Variants in ZMYM2 observed in about 807,000 individuals in gnomAD.
The protein encoded by ZMYM2 is zinc finger MYM-type containing 2, also known as zinc finger MYM-type protein 2.
In ZMYM2, 56 loss-of-function variants were observed where a neutral mutation model predicts 162.8. That is an observed-to-expected ratio of 0.34 (90% CI 0.28 to 0.43). The LOEUF is 0.43. Among genes scored for constraint, ZMYM2 ranks in the 20% least tolerant of loss-of-function variants. ZMYM2 has a pLI of 1.00. For synonymous variants in ZMYM2, 510 were observed against 541.6 expected (o/e 0.94, Z 0.81); for missense variants, 1,275 against 1,621.8 (o/e 0.79, Z 3.67).
chr13:19,904,662 A>G, the ZMYM2 span, among the ~76,000 whole-genome samples: 1 of 152,354 alleles, frequency 6.6e-6, no homozygotes, highest in African/African-American at 2.4e-5. Flanking sequence ...TCAACTAATC[A>G]TATATGAGCA....
At chr13:19,890,871 CAA>C in the ZMYM2 span, among the ~76,000 whole-genome samples, 4 of 128,758 alleles carry the variant, frequency 3.1e-5, no homozygotes, top group Admixed American at 7.9e-5. Context: ...GACTCCATTT[CAA>C]AAAAAAAAAA....
chr13:20,077,574 TGA>T (rs1422896039), intron 21 of ZMYM2, among the ~76,000 whole-genome samples: 1 of 141,624 alleles, frequency 7.1e-6, no homozygotes, highest in East Asian at 1.9e-4. Flanking sequence ...TAGATGACAT[TGA>T]GTTTTAAATT....
rs56664916 is a variant in ZMYM2 at position 20,075,670 on chromosome 13, C to CTTTT, written c.3454-6317_3454-6314dup. On this transcript the variant is annotated intron_variant, in intron 21 of 24. Transcript: ENST00000610343. Reference sequence around the variant, plus strand: ...TTATTATGAATAGAACTATAGACACCTTTTTTTTTTTTTTTTTTTTTTTTT... The same window carrying CTTTT: ...TTATTATGAATAGAACTATAGACACCTTTTTTTTTTTTTTTTTTTTTTTTTTTTT... 6.9e-4 allele frequency among the ~76,000 whole-genome samples: 52 copies of CTTTT among 75,714 alleles called. 5 individuals carry two copies. The highest frequency in any genetic ancestry group is 2.3e-3 in the African/African-American group (43 of 18,450). 49.7% of individuals were successfully genotyped at this position (75,714 alleles called of 152,430 possible). A position where few individuals can be genotyped will look rare whatever the true frequency, so the allele number is the denominator to read the frequency against.
the ZMYM2 span, among the ~76,000 whole-genome samples, chr13:19,901,587 C>A: frequency 5.3e-4 from 81 of 152,114 alleles, no homozygotes; most frequent in African/African-American, 1.9e-3. Context: ...CAGGTTCAAG[C>A]AGTTCTCTGT....
At chr13:19,877,950 T>A in the ZMYM2 span, among the ~76,000 whole-genome samples, 4 of 152,312 alleles carry the variant, frequency 2.6e-5, no homozygotes, top group Admixed American at 2.0e-4. Context: ...CATTTTAAAT[T>A]TTTGGCTGTT....
At chr13:20,037,462 C>T (rs905234675) in intron 12 of ZMYM2, among the ~76,000 whole-genome samples, 30 of 151,982 alleles carry the variant, frequency 2.0e-4, no homozygotes, top group Admixed American at 1.3e-3. Flanking sequence ...GTGATCTGCC[C>T]GCCTCAGCCC....
chr13:20,045,523 T>C (rs1217248807), intron 12 of ZMYM2, among the ~76,000 whole-genome samples: 2 of 152,232 alleles, frequency 1.3e-5, no homozygotes, highest in Non-Finnish European at 2.9e-5. Context: ...TGGATATTAG[T>C]GTTTTTGAGA....
intron 2 of ZMYM2, among the ~76,000 whole-genome samples, chr13:19,989,969 T>C (rs1949477199): frequency 6.6e-6 from 1 of 152,232 alleles, no homozygotes; most frequent in South Asian, 2.1e-4. Flanking sequence ...TTTCAGCCAC[T>C]GTCATCTCTC....
At chr13:20,035,261 G>A (rs1484837544) in intron 11 of ZMYM2, among the ~76,000 whole-genome samples, 1 of 152,132 alleles carries the variant, frequency 6.6e-6, no homozygotes, top group African/African-American at 2.4e-5. Flanking sequence ...AAAATAAAAA[G>A]ATTTATCAGT....
At chr13:19,972,083 A>G (rs1453593854) in intron 2 of ZMYM2, among the ~76,000 whole-genome samples, 2 of 152,206 alleles carry the variant, frequency 1.3e-5, no homozygotes, top group African/African-American at 4.8e-5. Context: ...TAGAAATTCT[A>G]CACCCTAGAG....
the ZMYM2 span, among the ~76,000 whole-genome samples, chr13:19,884,210 A>C: frequency 1.3e-5 from 2 of 152,074 alleles, no homozygotes; most frequent in East Asian, 3.9e-4. Flanking sequence ...CTCTCAAAAA[A>C]ATTTAAAAAT....
intron 12 of ZMYM2, among the ~76,000 whole-genome samples, chr13:20,047,606 C>T (rs963045678): frequency 3.9e-5 from 6 of 152,112 alleles, no homozygotes; most frequent in Non-Finnish European, 7.4e-5. Flanking sequence ...TACCTTTGCA[C>T]TTTAGATTGA....
chr13:20,045,029 G>A (rs575778225), intron 12 of ZMYM2, among the ~76,000 whole-genome samples: 144 of 120,662 alleles, frequency 1.2e-3, no homozygotes, highest in African/African-American at 4.6e-3. Flanking sequence ...CAGCCCGGGC[G>A]ACAGAGCAAG....
At chr13:19,999,246 A>G (rs1950223551) in intron 3 of ZMYM2, among the ~76,000 whole-genome samples, 1 of 152,186 alleles carries the variant, frequency 6.6e-6, no homozygotes, top group African/African-American at 2.4e-5. Context: ...AGATAATTGC[A>G]TTTTACACAA....
rs115164474 is a variant in ZMYM2 at position 19,964,514 on chromosome 13, C to T, written c.-11+4488C>T. Among the ~76,000 whole-genome samples, 353 of 152,358 alleles carry T rather than the reference C, an allele frequency of 2.3e-3. 2 individuals are homozygous for T. Among genetic ancestry groups the T allele is most frequent in the African/African-American group, 8.1e-3 (336 of 41,580 alleles). ...TGCTGGACTCAAGCGATCTTCCCAC[C>T]TTGGCCTCCCAAAGTGTTGGGATTT... On this transcript the variant is annotated intron_variant, in intron 2 of 24. Coordinates refer to ENST00000610343, the MANE Select transcript of ZMYM2 (RefSeq NM_197968.4).
At chr13:20,057,061 T>C (rs993270891) in intron 14 of ZMYM2, among the ~76,000 whole-genome samples, 1 of 152,138 alleles carries the variant, frequency 6.6e-6, no homozygotes, top group Non-Finnish European at 1.5e-5. Context: ...CATCACACAT[T>C]CTGCAGCTCC....
At chr13:19,941,827 A>G in the ZMYM2 span, among the ~76,000 whole-genome samples, 7 of 143,922 alleles carry the variant, frequency 4.9e-5, no homozygotes, top group African/African-American at 1.8e-4. Flanking sequence ...AGTGCTCACT[A>G]CAGCCTTGAC....
At chr13:20,008,162 C>T (rs1594324261) in intron 6 of ZMYM2, among the ~76,000 whole-genome samples, 1 of 152,128 alleles carries the variant, frequency 6.6e-6, no homozygotes, top group Non-Finnish European at 1.5e-5. Context: ...CAGGGTCTTG[C>T]TCTGTTGCCC....
At chr13:20,058,801 A>G (rs949476846) in intron 15 of ZMYM2, 97 bp downstream of exon 15, 14 of 1,472,884 alleles carry the variant, frequency 9.5e-6, no homozygotes, top group South Asian at 1.2e-5. Flanking sequence ...GGATAGATTC[A>G]TTTGGTCAAT....
Sources: allele counts gnomAD v4.1 joint callset (sites outside exome capture counted in the v4.1 genomes callset), GRCh38; gene constraint gnomAD v4.1.1; transcripts MANE v1.5; gene names NCBI Gene and HGNC (gene_info 2026-07-23, HGNC 2026-07-21).